KLRB1: variants seen among roughly 807,000 people sequenced by gnomAD.
KLRB1 encodes the protein killer cell lectin-like receptor subfamily B member 1.
In KLRB1, 27 loss-of-function variants were observed where a neutral mutation model predicts 33.5. The observed-to-expected ratio is 0.81, with a 90% CI of 0.59 to 1.11. The LOEUF (loss-of-function observed/expected upper bound fraction) is 1.11. KLRB1 is among the 50% of genes most tolerant of loss of function. The pLI, the probability that KLRB1 is intolerant of heterozygous loss-of-function variation, is 0.00. For synonymous variants in KLRB1, 64 were observed against 88.9 expected (o/e 0.72, Z 1.58); for missense variants, 241 against 254.1 (o/e 0.95, Z 0.35).
At chr12:9,603,578 C>T (rs973518789) in intron 1 of KLRB1, among the ~76,000 whole-genome samples, 1 of 146,060 alleles carries the variant, frequency 6.8e-6, no homozygotes, top group Non-Finnish European at 1.5e-5. Flanking sequence ...GCATGCGCCA[C>T]CATGCCCGGC....
chr12:9,607,408 T>C (rs147408537), intron 1 of KLRB1, among the ~76,000 whole-genome samples: 2,443 of 124,070 alleles, frequency 0.02, 34 homozygotes, highest in Non-Finnish European at 0.029. Flanking sequence ...TTCTTTCTTT[T>C]CTTTCTTTCT....
chr12:9,604,557 A>G (rs1009320374), intron 1 of KLRB1, among the ~76,000 whole-genome samples: 1 of 151,980 alleles, frequency 6.6e-6, no homozygotes, highest in Non-Finnish European at 1.5e-5. Flanking sequence ...CTCCTACAAT[A>G]CCACAGGCGT....
At position 9,607,453 on chromosome 12, in the gene KLRB1, G is replaced by C. The variant is rs192338885; in HGVS notation, c.85+302C>G. Among the ~76,000 whole-genome samples, 387 of 139,708 alleles carry C rather than the reference G, an allele frequency of 2.8e-3. 3 individuals carry two copies. The highest frequency in any genetic ancestry group is 0.025 in the Middle Eastern group (7 of 278). The allele number at this position is 139,708 out of a possible 152,430, so 91.7% of individuals were successfully genotyped here. A position where few individuals can be genotyped will look rare whatever the true frequency, so the allele number is the denominator to read the frequency against. ...CCTTCTTTCCATCCCTGTAGAGCAG[G>C]GGTAACCAATAGGCAGTGTGCCCAG... On this transcript the variant is annotated intron_variant, in intron 1 of 5. Transcript: ENST00000229402.
intron 1 of KLRB1, chr12:9,606,322 C>CAGTTTCT (rs1864597650): frequency 6.6e-6 from 1 of 152,058 alleles, no homozygotes; most frequent in African/African-American, 2.4e-5. Context: ...TTTTCTGCCT[C>CAGTTTCT]AGTTTCTAGT....
At chr12:9,596,527 C>G (rs1171581899) in intron 5 of KLRB1, among the ~76,000 whole-genome samples, 4 of 152,172 alleles carry the variant, frequency 2.6e-5, no homozygotes, top group Non-Finnish European at 4.4e-5. Context: ...TCTTCCCTTT[C>G]TTTCCTTGCC....
chr12:9,605,001 A>C (rs181350292), intron 1 of KLRB1, among the ~76,000 whole-genome samples: 1 of 152,052 alleles, frequency 6.6e-6, no homozygotes, highest in East Asian at 1.9e-4. Flanking sequence ...CCCCCACCCC[A>C]CAACAGGCCC....
chr12:9,606,484 G>A (rs1217022604), intron 1 of KLRB1: 1 of 151,572 alleles, frequency 6.6e-6, no homozygotes, highest in African/African-American at 2.4e-5. Flanking sequence ...TGATATGCTC[G>A]AGTATTTTTG....
At chr12:9,600,642 T>C (rs746834016) in intron 2 of KLRB1, among the ~76,000 whole-genome samples, 20 of 152,026 alleles carry the variant, frequency 1.3e-4, no homozygotes, top group African/African-American at 4.6e-4. Context: ...AACTCAAGAG[T>C]TGAATGGATT....
intron 1 of KLRB1, among the ~76,000 whole-genome samples, chr12:9,607,415 T>TTCTTTCTTTTCTTTCTG (rs1864633749): frequency 5.8e-5 from 6 of 103,272 alleles, no homozygotes; most frequent in African/African-American, 1.9e-4. Flanking sequence ...TTTTCTTTCT[T>TTCTTTCTTTTCTTTCTG]TCTTTCTTTC....
At chr12:9,606,913 A>G (rs1864612578) in intron 1 of KLRB1, among the ~76,000 whole-genome samples, 1 of 150,914 alleles carries the variant, frequency 6.6e-6, no homozygotes, top group Non-Finnish European at 1.5e-5. Flanking sequence ...CGTGCCCCAC[A>G]CTTGGCTATT....
intron 1 of KLRB1, among the ~76,000 whole-genome samples, chr12:9,607,103 T>C (rs979990475): frequency 6.6e-6 from 1 of 152,060 alleles, no homozygotes; most frequent in African/African-American, 2.4e-5. Flanking sequence ...CACTGGGACT[T>C]AATCATAGTA....
At chr12:9,601,315 C>A (rs1864538848) in intron 2 of KLRB1, among the ~76,000 whole-genome samples, 186 bp downstream of exon 2, 1 of 151,186 alleles carries the variant, frequency 6.6e-6, no homozygotes, top group South Asian at 2.1e-4. Context: ...AACGCTGGTT[C>A]CCCGGGTCCC....
chr12:9,607,266 C>CTTT lies in KLRB1; in HGVS notation c.85+488_85+489insAAA, dbSNP rs71045273. Among the ~76,000 whole-genome samples the CTTT allele has an allele frequency of 1.1e-3, 135 of 127,072 alleles. 4 individuals carry two copies. The East Asian group carries it at 0.024, about 23-fold the overall frequency. 83.4% of individuals were successfully genotyped at this position (127,072 alleles called of 152,430 possible). A position where few individuals can be genotyped will look rare whatever the true frequency, so the allele number is the denominator to read the frequency against. On this transcript the variant is annotated intron_variant, in intron 1 of 5. Transcript: ENST00000229402. ...TTCCTCCTTCTCTTTTTCTTTCTTTCCTTTCCTTTCTCTCTCTTTCTTTTT... is the reference window on the plus strand; with the variant it reads ...TTCCTCCTTCTCTTTTTCTTTCTTTCTTTCTTTCCTTTCTCTCTCTTTCTTTTT...
At chr12:9,607,374 T>C (rs183309423) in intron 1 of KLRB1, among the ~76,000 whole-genome samples, 2,962 of 94,174 alleles carry the variant, frequency 0.031, 134 homozygotes, top group African/African-American at 0.084. Context: ...CTTTCTTTCT[T>C]TCTTTCTTTC....
chr12:9,604,707 G>C (rs2120721258), intron 1 of KLRB1, among the ~76,000 whole-genome samples: 1 of 152,160 alleles, frequency 6.6e-6, no homozygotes, highest in East Asian at 1.9e-4. Flanking sequence ...TGATTATTCT[G>C]TTTGATATGC....
In KLRB1 at chr12:9,604,307, A is replaced by G. The variant is rs549007950; in HGVS notation, c.86-2708T>C. ...TCATTTCATTATTCTAAACCTTCCAATGGCTTTTCATCAGGCAAATCTGAG... is the reference window on the plus strand; with the variant it reads ...TCATTTCATTATTCTAAACCTTCCAGTGGCTTTTCATCAGGCAAATCTGAG... On this transcript the variant is annotated intron_variant, in intron 1 of 5. Transcript: ENST00000229402. Among the ~76,000 whole-genome samples the G allele has an allele frequency of 4.9e-4, 75 of 152,242 alleles. No homozygotes were observed. In the Middle Eastern group the frequency reaches 0.01, roughly 21 times the overall value.
intron 1 of KLRB1, among the ~76,000 whole-genome samples, chr12:9,603,282 G>A (rs949876671): frequency 6.6e-6 from 1 of 152,046 alleles, no homozygotes; most frequent in African/African-American, 2.4e-5. Flanking sequence ...CACTGGCATG[G>A]CTTTCCTTCC....
intron 5 of KLRB1, 82 bp downstream of exon 5, chr12:9,597,964 A>G: frequency 1.5e-6 from 1 of 688,738 alleles, no homozygotes; most frequent in Non-Finnish European, 2.5e-6. Flanking sequence ...TTAAAACTAC[A>G]AAACTCAATC....
Position 9,594,599 on chromosome 12 carries a change from G to A in KLRB1, c.*675C>T, listed in dbSNP as rs1864475470. The stretch of plus-strand genomic sequence containing the variant: ...TTTTATTCGTTTTGCATGTACATGA[G>A]GAACTCGCAAGAGAGTGAAATCCAT... On this transcript the variant is annotated 3_prime_UTR_variant, in exon 6 of 6. Transcript: ENST00000229402. The A allele has an allele frequency of 6.6e-6, 1 of 151,992 alleles. No individual in the cohort carries two copies. Among genetic ancestry groups the A allele is most frequent in the Non-Finnish European group, 1.5e-5 (1 of 68,022 alleles). The allele number at this position is 151,992 out of a possible 1,614,324, so 9.4% of individuals were successfully genotyped here.
Sources: gnomAD v4.1 joint callset for allele counts (sites outside exome capture counted in the v4.1 genomes callset) on GRCh38, gnomAD v4.1.1 for gene constraint, MANE v1.5 for transcripts, NCBI Gene and HGNC (gene_info 2026-07-23, HGNC 2026-07-21) for gene names.